The following PTPRD variants were observed in gnomAD, a reference collection of about 807,000 sequenced individuals.
The protein encoded by PTPRD is protein tyrosine phosphatase receptor type D, also known as receptor-type tyrosine-protein phosphatase delta.
In PTPRD, 34 loss-of-function variants were observed where a neutral mutation model predicts 214.5. That is an observed-to-expected ratio of 0.16 (90% CI 0.12 to 0.21). PTPRD has a LOEUF of 0.21. PTPRD is among the 10% of genes least tolerant of loss of function. PTPRD has a pLI of 1.00. For missense variants in PTPRD, 2,545 were observed against 2,398.7 expected (o/e 1.06, Z -1.27); for synonymous variants, 1,128 against 845.7 (o/e 1.33, Z -5.79).
chr9:8,532,111 C>T (rs967386548), intron 14 of PTPRD, among the ~76,000 whole-genome samples: 1 of 151,980 alleles, frequency 6.6e-6, no homozygotes, highest in African/African-American at 2.4e-5. Flanking sequence ...TCCCCCTTTG[C>T]ACAGAATCTC....
chr9:9,063,099 G>A (rs1021388722), intron 10 of PTPRD, among the ~76,000 whole-genome samples: 1 of 152,078 alleles, frequency 6.6e-6, no homozygotes, highest in South Asian at 2.1e-4. Flanking sequence ...GTGTGTGAGA[G>A]GAATGAACAT....
At chr9:9,109,746 C>G (rs1170681871) in intron 10 of PTPRD, among the ~76,000 whole-genome samples, 1 of 152,020 alleles carries the variant, frequency 6.6e-6, no homozygotes, top group Non-Finnish European at 1.5e-5. Context: ...TTCCATCTTT[C>G]TGCGAATGAA....
intron 35 of PTPRD, among the ~76,000 whole-genome samples, chr9:8,428,990 G>C (rs887847150): frequency 6.6e-6 from 1 of 152,166 alleles, no homozygotes; most frequent in African/African-American, 2.4e-5. Flanking sequence ...CCCCTCTGCG[G>C]AGAAATACAA....
At chr9:8,366,564 T>G (rs1335801046) in intron 39 of PTPRD, among the ~76,000 whole-genome samples, 3 of 152,244 alleles carry the variant, frequency 2.0e-5, no homozygotes, top group Non-Finnish European at 4.4e-5. Flanking sequence ...ATAAGTGTGC[T>G]GTCCCAGAAA....
chr9:8,345,793 T>C (rs970710560), intron 39 of PTPRD, among the ~76,000 whole-genome samples: 2 of 152,126 alleles, frequency 1.3e-5, no homozygotes, highest in East Asian at 3.9e-4. Context: ...CCGTTCAGAC[T>C]GTGCCTCAGT....
chr9:9,942,704 A>T (rs939750773), intron 4 of PTPRD, among the ~76,000 whole-genome samples: 1 of 152,150 alleles, frequency 6.6e-6, no homozygotes, highest in Admixed American at 6.6e-5. Context: ...ATTAGCATTT[A>T]AAAAATTATA....
intron 2 of PTPRD, chr9:10,532,099 G>A (rs2056518538): frequency 6.6e-6 from 1 of 152,092 alleles, no homozygotes; most frequent in African/African-American, 2.4e-5. Context: ...GGACTTTTAA[G>A]CTGATATTTG....
chr9:10,474,811 G>C (rs1229766998), intron 2 of PTPRD, among the ~76,000 whole-genome samples: 1 of 152,016 alleles, frequency 6.6e-6, no homozygotes, highest in Non-Finnish European at 1.5e-5. Context: ...AATCAAATTA[G>C]AACTCAGAAG....
rs191070724 is a variant in PTPRD at position 8,724,635 on chromosome 9, T to G, written c.64+9145A>C. Reference sequence around the variant, plus strand: ...GTTTATGGAGCCTTGTCTTACCCAGTCTCCACCACTTAGCCAGGCTCATTT... The same window carrying G: ...GTTTATGGAGCCTTGTCTTACCCAGGCTCCACCACTTAGCCAGGCTCATTT... On this transcript the variant is annotated intron_variant, in intron 12 of 45. Transcript: ENST00000381196. Among the ~76,000 whole-genome samples, 432 of 152,152 alleles carry G rather than the reference T, an allele frequency of 2.8e-3. 9 individuals are homozygous for G. The East Asian group carries it at 0.036, about 13-fold the overall frequency.
At chr9:9,409,756 G>T (rs962829880) in intron 8 of PTPRD, among the ~76,000 whole-genome samples, 14 of 152,024 alleles carry the variant, frequency 9.2e-5, no homozygotes, top group Non-Finnish European at 1.9e-4. Flanking sequence ...TACCATGGGA[G>T]CAGCTGATTT....
At chr9:8,994,360 C>G (rs2099388463) in intron 11 of PTPRD, among the ~76,000 whole-genome samples, 1 of 152,050 alleles carries the variant, frequency 6.6e-6, no homozygotes, top group Non-Finnish European at 1.5e-5. Flanking sequence ...GTAGATAGTT[C>G]CTTCAACAAT....
In PTPRD at chr9:9,384,343, C is replaced by CTTTTTTTTTTTT. The variant is rs869246078; in HGVS notation, c.-203+13094_-203+13105dup. Among the ~76,000 whole-genome samples, 8 of 33,316 alleles carry CTTTTTTTTTTTT rather than the reference C, an allele frequency of 2.4e-4. 1 individual carries two copies. The highest frequency in any genetic ancestry group is 2.4e-3 in the East Asian group (2 of 826). 21.9% of individuals were successfully genotyped at this position (33,316 alleles called of 152,430 possible). On this transcript the variant is annotated intron_variant, in intron 9 of 45. Coordinates refer to ENST00000381196, the MANE Select transcript of PTPRD (RefSeq NM_002839.4). ...GATGATATTTGAGCAGAAGACTAGG[C>CTTTTTTTTTTTT]TTTTTTTTTTTTTTTTTTTTTTTTT... is the stretch of plus-strand genomic sequence containing the variant.
intron 12 of PTPRD, among the ~76,000 whole-genome samples, chr9:8,661,022 C>T (rs2097034725): frequency 6.6e-6 from 1 of 152,016 alleles, no homozygotes; most frequent in Admixed American, 6.6e-5. Flanking sequence ...TGTATCATTT[C>T]CCTTTTGCAG....
rs529960208 is a variant in PTPRD at position 8,932,694 on chromosome 9, A to G, written c.-104+86003T>C. Among the ~76,000 whole-genome samples the G allele has an allele frequency of 3.3e-5, 5 of 152,178 alleles. No individual in the cohort carries two copies. In the South Asian group the frequency reaches 1.0e-3, roughly 32 times the overall value. On this transcript the variant is annotated intron_variant, in intron 11 of 45. Coordinates refer to ENST00000381196, the MANE Select transcript of PTPRD (RefSeq NM_002839.4). ...TGTGAGGGGAAAACCACCTACTCAA[A>G]CCTCAGTAAAGGTGGACCCCCCCTC...
intron 10 of PTPRD, among the ~76,000 whole-genome samples, chr9:9,133,221 G>T (rs1175757387): frequency 6.6e-6 from 1 of 152,124 alleles, no homozygotes; most frequent in Non-Finnish European, 1.5e-5. Context: ...ACAGAGGTAG[G>T]GCAGGTGTTG....
intron 7 of PTPRD, among the ~76,000 whole-genome samples, chr9:9,720,965 A>T (rs1461747371): frequency 6.6e-6 from 1 of 152,234 alleles, no homozygotes; most frequent in Middle Eastern, 3.4e-3. Context: ...GGGGAACAAC[A>T]CACTGGAGAC....
intron 2 of PTPRD, among the ~76,000 whole-genome samples, chr9:10,583,892 T>C (rs1017490977): frequency 6.6e-6 from 1 of 152,170 alleles, no homozygotes; most frequent in Non-Finnish European, 1.5e-5. Flanking sequence ...AGCACTGAGT[T>C]AATGTCTAGA....
chr9:8,924,362 G>A (rs1212895585), intron 11 of PTPRD, among the ~76,000 whole-genome samples: 3 of 152,124 alleles, frequency 2.0e-5, no homozygotes, highest in Non-Finnish European at 2.9e-5. Context: ...GGAGAGGTAG[G>A]AAGAAAAATA....
intron 10 of PTPRD, among the ~76,000 whole-genome samples, chr9:9,147,992 C>G (rs1411138690): frequency 1.3e-5 from 2 of 152,134 alleles, no homozygotes; most frequent in African/African-American, 4.8e-5. Context: ...CCACTATCAC[C>G]TGGAGGGCTT....
Sources: allele counts gnomAD v4.1 joint callset (sites outside exome capture counted in the v4.1 genomes callset), GRCh38; gene constraint gnomAD v4.1.1; transcripts MANE v1.5; gene names NCBI Gene and HGNC (gene_info 2026-07-23, HGNC 2026-07-21).